The following PDE1C variants were observed in gnomAD, a reference collection of about 807,000 sequenced individuals.
PDE1C encodes dual specificity calcium/calmodulin-dependent 3',5'-cyclic nucleotide phosphodiesterase 1C.
A neutral mutation model predicts 93.1 loss-of-function variants in PDE1C; 62 were observed. That is an observed-to-expected ratio of 0.67 (90% CI 0.54 to 0.82). The LOEUF is 0.82. Among genes scored for constraint, PDE1C ranks in the 40% least tolerant of loss-of-function variants. The pLI is 0.00. For missense variants in PDE1C, 742 were observed against 884.6 expected, an observed-to-expected ratio of 0.84 and a Z score of 2.04; for synonymous variants, 325 against 310.1, an observed-to-expected ratio of 1.05 and a Z score of -0.50.
At chr7:32,295,762 C>T (rs1298560776) in intron 1 of PDE1C, among the ~76,000 whole-genome samples, 1 of 151,900 alleles carries the variant, frequency 6.6e-6, no homozygotes, top group Non-Finnish European at 1.5e-5. Context: ...GGCGTGTTGG[C>T]GGGCGCCTGT....
At chr7:31,918,642 T>G (rs914678683) in intron 2 of PDE1C, among the ~76,000 whole-genome samples, 1 of 152,248 alleles carries the variant, frequency 6.6e-6, no homozygotes, top group Non-Finnish European at 1.5e-5. Context: ...TTTCTGCTTT[T>G]ATAGTCTGCT....
Position 31,870,035 on chromosome 7 carries a change from A to C in PDE1C, c.609+3257T>G, listed in dbSNP as rs192581284. The stretch of plus-strand genomic sequence containing the variant: ...CATTGGATTAAGAAAGAAATTAAGG[A>C]GAAAATAAAAATATTTTTAAGGCAA... On this transcript the variant is annotated intron_variant, in intron 6 of 17. Coordinates refer to ENST00000396191, the MANE Select transcript of PDE1C (RefSeq NM_001191057.4). Among the ~76,000 whole-genome samples, 190 of 152,210 alleles carry C rather than the reference A, an allele frequency of 1.2e-3. 2 individuals are homozygous for C. The highest frequency in any genetic ancestry group is 4.4e-3 in the African/African-American group (182 of 41,576).
intron 16 of PDE1C, among the ~76,000 whole-genome samples, chr7:31,782,514 C>T (rs1410892503): frequency 6.6e-6 from 1 of 152,152 alleles, no homozygotes; most frequent in Non-Finnish European, 1.5e-5. Context: ...CAGTCGCCTT[C>T]ATCAGAGCAA....
chr7:32,398,261 C>T (rs1005022044), intron 1 of PDE1C, among the ~76,000 whole-genome samples: 4 of 143,856 alleles, frequency 2.8e-5, no homozygotes, highest in Non-Finnish European at 6.0e-5. Context: ...TGCAGTGAGC[C>T]GAGATTGCGC....
chr7:32,038,853 G>T (rs1428241415), intron 2 of PDE1C, among the ~76,000 whole-genome samples: 1 of 152,114 alleles, frequency 6.6e-6, no homozygotes. Context: ...TCAAAATAAT[G>T]ATGCTAAATG....
intron 1 of PDE1C, among the ~76,000 whole-genome samples, chr7:32,426,011 A>G (rs1413226748): frequency 6.6e-6 from 1 of 152,176 alleles, no homozygotes; most frequent in Non-Finnish European, 1.5e-5. Context: ...ATGGTTACAT[A>G]TGTTTGTAAT....
At chr7:31,734,995 A>G in the PDE1C span, among the ~76,000 whole-genome samples, 10 of 152,194 alleles carry the variant, frequency 6.6e-5, no homozygotes, top group African/African-American at 2.4e-4. Flanking sequence ...GCATCTTTTG[A>G]TGTCACCTGG....
chr7:32,381,729 C>T (rs1784538710), intron 1 of PDE1C, among the ~76,000 whole-genome samples: 1 of 152,204 alleles, frequency 6.6e-6, no homozygotes, highest in Admixed American at 6.5e-5. Flanking sequence ...TTCTCCAGCC[C>T]ATTTTCTCTG....
At chr7:31,668,846 AC>A in the PDE1C span, among the ~76,000 whole-genome samples, 12 of 152,112 alleles carry the variant, frequency 7.9e-5, 1 homozygote, top group South Asian at 8.3e-4. Context: ...TCAATGAACT[AC>A]TAAAAAAAAA....
intron 12 of PDE1C, among the ~76,000 whole-genome samples, chr7:31,825,850 A>T (rs2191872): frequency 0.97 from 147,724 of 152,084 alleles, 71,770 homozygotes; most frequent in East Asian, 1. Context: ...AAGGAGAATA[A>T]GGCCAAGAAA....
intron 1 of PDE1C, among the ~76,000 whole-genome samples, chr7:32,376,335 G>A (rs1784431912): frequency 6.6e-6 from 1 of 152,182 alleles, no homozygotes; most frequent in African/African-American, 2.4e-5. Context: ...TTACCCTTGG[G>A]AGGATCATAT....
At position 31,753,499 on chromosome 7, in the gene PDE1C, T is replaced by C. The variant is rs751955372; in HGVS notation, c.2015A>G (p.Tyr672Cys). The stretch of plus-strand genomic sequence containing the variant: ...AGTTTTCTTTGAGACTGAAGGTGCA[T>C]AGGAGCTAGATGCGTAAGCAGGGCG... The part of the protein sequence containing the change: ...FKRPAYASSS[Y>C]APSVSKKTDE... Residue 672 changes from tyrosine (Y) to cysteine (C), a missense_variant, in exon 18 of 18, where the codon TAT becomes TGT. This residue lies in a region of PDE1C where 454 missense variants were observed against 459.4 expected (regional missense o/e 0.99). Coordinates refer to ENST00000396191, the MANE Select transcript of PDE1C (RefSeq NM_001191057.4). 2.4e-5 allele frequency: 38 copies of C among 1,612,400 alleles called. No homozygotes were observed. The highest frequency in any genetic ancestry group is 3.3e-4 in the Middle Eastern group (2 of 6,084).
chr7:32,110,394 C>T (rs1008367837), intron 3 of PDE1C, among the ~76,000 whole-genome samples: 4 of 152,142 alleles, frequency 2.6e-5, no homozygotes, highest in Non-Finnish European at 4.4e-5. Flanking sequence ...ACAGGAAAGA[C>T]CCACCCCTAT....
intron 3 of PDE1C, among the ~76,000 whole-genome samples, chr7:32,142,145 G>C (rs75059904): frequency 0.022 from 3,365 of 151,918 alleles, 67 homozygotes; most frequent in Non-Finnish European, 0.036. Flanking sequence ...GGAGAAGAAG[G>C]AGAAAGTGAT....
intron 2 of PDE1C, among the ~76,000 whole-genome samples, chr7:31,904,205 C>G (rs1212769486): frequency 1.3e-5 from 2 of 152,004 alleles, no homozygotes; most frequent in Non-Finnish European, 2.9e-5. Context: ...CACATTAGGA[C>G]AGAAGCTGGA....
At chr7:32,176,868 A>T (rs1803028745) in intron 2 of PDE1C, among the ~76,000 whole-genome samples, 2 of 152,224 alleles carry the variant, frequency 1.3e-5, no homozygotes, top group Non-Finnish European at 2.9e-5. Flanking sequence ...CAGGAGACAG[A>T]AAATACAAAC....
intron 3 of PDE1C, among the ~76,000 whole-genome samples, chr7:32,167,426 A>C (rs538027754): frequency 3.0e-4 from 46 of 152,344 alleles, no homozygotes; most frequent in African/African-American, 1.0e-3. Flanking sequence ...TCAGGAAAAG[A>C]CAACAGAAGC....
chr7:32,108,323 G>A (rs1385169230), intron 3 of PDE1C, among the ~76,000 whole-genome samples: 2 of 148,484 alleles, frequency 1.3e-5, no homozygotes, highest in Non-Finnish European at 3.0e-5. Flanking sequence ...TGAGAGAAGG[G>A]AATAAAAAAG....
chr7:31,619,582 A>G, the PDE1C span, among the ~76,000 whole-genome samples: 1 of 152,170 alleles, frequency 6.6e-6, no homozygotes, highest in East Asian at 1.9e-4. Context: ...TGGTCAAGTA[A>G]GTTTGTAAAG....
Sources: gnomAD v4.1 joint callset for allele counts (sites outside exome capture counted in the v4.1 genomes callset) on GRCh38, gnomAD v4.1.1 for gene constraint, gnomAD v4.1.1 regional missense constraint, MANE v1.5 for transcripts, NCBI Gene and HGNC (gene_info 2026-07-23, HGNC 2026-07-21) for gene names.